Variants in ERC2 observed in about 807,000 individuals in gnomAD.
ERC2 encodes ELKS/RAB6-interacting/CAST family member 2.
Under a neutral mutation model 114.8 loss-of-function variants are expected in ERC2, and 42 were observed. That is an observed-to-expected ratio of 0.37 (90% CI 0.29 to 0.47). The LOEUF is 0.47. ERC2 is among the 20% of genes least tolerant of loss of function. The pLI is 0.99. For missense variants in ERC2, 939 were observed against 1,150.7 expected (o/e 0.82, Z 2.66); for synonymous variants, 454 against 425.5 (o/e 1.07, Z -0.82).
chr3:55,545,069 G>A (rs553891787), intron 17 of ERC2, among the ~76,000 whole-genome samples: 23 of 152,138 alleles, frequency 1.5e-4, no homozygotes, highest in South Asian at 1.5e-3. Context: ...CATTTTCCTG[G>A]CTGTATAAGT....
At chr3:56,066,671 G>A (rs988268637) in intron 7 of ERC2, among the ~76,000 whole-genome samples, 3 of 152,120 alleles carry the variant, frequency 2.0e-5, no homozygotes, top group Non-Finnish European at 4.4e-5. Context: ...TTCTTCTAGG[G>A]TTTTTATGGT....
In ERC2 at chr3:55,926,477, T is replaced by C. The variant is rs148492114; in HGVS notation, c.2403+23948A>G. 3.1e-3 allele frequency among the ~76,000 whole-genome samples: 466 copies of C among 151,964 alleles called. 3 individuals carry two copies. The highest frequency in any genetic ancestry group is 0.011 in the African/African-American group (452 of 41,480). On this transcript the variant is annotated intron_variant, in intron 13 of 17. Transcript: ENST00000288221. Reference sequence around the variant, plus strand: ...TTGAAGGACACACAAAGATTTTATATCATTTATCAAGGATTGAAATAAATA... The same window carrying C: ...TTGAAGGACACACAAAGATTTTATACCATTTATCAAGGATTGAAATAAATA...
intron 3 of ERC2, among the ~76,000 whole-genome samples, chr3:56,294,875 T>C (rs1056978800): frequency 1.3e-5 from 2 of 152,154 alleles, no homozygotes; most frequent in Admixed American, 6.5e-5. Flanking sequence ...AACCAAGCCA[T>C]GTGGTTTCCC....
chr3:55,989,117 C>T (rs922308484), intron 11 of ERC2, among the ~76,000 whole-genome samples: 12 of 152,206 alleles, frequency 7.9e-5, no homozygotes, highest in Non-Finnish European at 1.8e-4. Flanking sequence ...AGGCAGAGTA[C>T]TGGGACAGAC....
chr3:56,320,190 G>T (rs1335458606), intron 2 of ERC2, among the ~76,000 whole-genome samples: 1 of 152,158 alleles, frequency 6.6e-6, no homozygotes, highest in Non-Finnish European at 1.5e-5. Flanking sequence ...TCTGTACTGT[G>T]TTTTGAAGAG....
rs537268944 is a variant in ERC2 at position 55,823,216 on chromosome 3, T to C, written c.2564+65173A>G. Among the ~76,000 whole-genome samples, 28 of 152,272 alleles carry C rather than the reference T, an allele frequency of 1.8e-4. No homozygotes were observed. In the East Asian group the frequency reaches 5.2e-3, roughly 28 times the overall value. Reference sequence around the variant, plus strand: ...AAAGCTGGCCATGGGCACTCACCCATCTGAGTGATTTGAAGTGACCTCAGA... The same window carrying C: ...AAAGCTGGCCATGGGCACTCACCCACCTGAGTGATTTGAAGTGACCTCAGA... On this transcript the variant is annotated intron_variant, in intron 14 of 17. Transcript: ENST00000288221.
chr3:55,963,258 G>T (rs1473485279), intron 12 of ERC2, among the ~76,000 whole-genome samples: 1 of 152,194 alleles, frequency 6.6e-6, no homozygotes, highest in Non-Finnish European at 1.5e-5. Flanking sequence ...TCTATGGATG[G>T]ATATAGCCCC....
chr3:56,193,564 AT>A (rs1384003826), intron 3 of ERC2, among the ~76,000 whole-genome samples: 1 of 152,160 alleles, frequency 6.6e-6, no homozygotes, highest in Non-Finnish European at 1.5e-5. Flanking sequence ...ATCGTGAGTA[AT>A]TTTCAAGTTT....
chr3:56,301,370 T>C (rs902423779), intron 2 of ERC2, among the ~76,000 whole-genome samples: 1 of 152,236 alleles, frequency 6.6e-6, no homozygotes, highest in African/African-American at 2.4e-5. Context: ...CAAAATCAAA[T>C]AGGAATCTTG....
At chr3:56,446,595 G>A (rs1311780687) in intron 1 of ERC2, among the ~76,000 whole-genome samples, 1 of 149,828 alleles carries the variant, frequency 6.7e-6, no homozygotes, top group Non-Finnish European at 1.5e-5. Flanking sequence ...GAAGTCAATA[G>A]AGGGCGCATT....
intron 10 of ERC2, among the ~76,000 whole-genome samples, chr3:56,000,770 G>A (rs1395198662): frequency 6.6e-6 from 1 of 151,822 alleles, no homozygotes; most frequent in Non-Finnish European, 1.5e-5. Context: ...GCACAGGAAG[G>A]AGGCAAGCAC....
At chr3:55,513,314 C>T (rs1020813717) in intron 17 of ERC2, among the ~76,000 whole-genome samples, 2 of 152,250 alleles carry the variant, frequency 1.3e-5, no homozygotes, top group African/African-American at 2.4e-5. Context: ...TCTCTGCAGT[C>T]CTGTACTTAA....
chr3:56,381,733 G>A (rs373678927), intron 2 of ERC2, among the ~76,000 whole-genome samples: 1 of 141,186 alleles, frequency 7.1e-6, no homozygotes, highest in African/African-American at 2.6e-5. Context: ...AAAAAAAATA[G>A]AAAAAAAGTA....
intron 15 of ERC2, among the ~76,000 whole-genome samples, chr3:55,729,831 C>G (rs2065134802): frequency 1.1e-4 from 1 of 9,294 alleles, no homozygotes; most frequent in Non-Finnish European, 1.9e-4. Flanking sequence ...CAGTGAGACT[C>G]TATCGCAAAA....
At position 56,170,599 on chromosome 3, in the gene ERC2, T is replaced by G. The variant is rs1343034641; in HGVS notation, c.1149+2847A>C. 1.3e-4 allele frequency among the ~76,000 whole-genome samples: 19 copies of G among 142,382 alleles called. 1 individual carries two copies. The highest frequency in any genetic ancestry group is 4.5e-4 in the African/African-American group (17 of 37,572). 93.4% of individuals were successfully genotyped at this position (142,382 alleles called of 152,430 possible). On this transcript the variant is annotated intron_variant, in intron 4 of 17. Transcript: ENST00000288221. ...AAATCTCTTCTGTTTTTTTTTTTTTTTTTTTTTTTTTTTTTGAGGTAGTGT... is the reference window on the plus strand; with the variant it reads ...AAATCTCTTCTGTTTTTTTTTTTTTGTTTTTTTTTTTTTTTGAGGTAGTGT...
intron 13 of ERC2, among the ~76,000 whole-genome samples, chr3:55,907,347 AT>A (rs1031149727): frequency 4.6e-5 from 7 of 152,286 alleles, no homozygotes; most frequent in African/African-American, 1.7e-4. Flanking sequence ...TGAGCCTCTG[AT>A]TCCTTAACTG....
At chr3:56,214,149 C>T (rs567509510) in intron 3 of ERC2, among the ~76,000 whole-genome samples, 2 of 152,186 alleles carry the variant, frequency 1.3e-5, no homozygotes, top group Non-Finnish European at 2.9e-5. Context: ...CAGAGAATGA[C>T]TTTGACGAGT....
intron 14 of ERC2, among the ~76,000 whole-genome samples, chr3:55,816,651 A>C (rs928537395): frequency 2.6e-5 from 4 of 152,308 alleles, no homozygotes; most frequent in African/African-American, 9.6e-5. Flanking sequence ...GTTTTAAGAC[A>C]ATTCAAATCC....
chr3:55,791,478 T>G (rs1275140074), intron 14 of ERC2, among the ~76,000 whole-genome samples: 2 of 152,192 alleles, frequency 1.3e-5, no homozygotes, highest in Non-Finnish European at 2.9e-5. Flanking sequence ...TTTTTCCACT[T>G]TGTTTTTGTC....
Sources: allele counts gnomAD v4.1 joint callset (sites outside exome capture counted in the v4.1 genomes callset), GRCh38; gene constraint gnomAD v4.1.1; transcripts MANE v1.5; gene names NCBI Gene and HGNC (gene_info 2026-07-23, HGNC 2026-07-21).